VTI1A: variants seen among roughly 807,000 people sequenced by gnomAD.
The protein encoded by VTI1A is vesicle transport through interaction with t-SNAREs homolog 1A.
A neutral mutation model predicts 34.9 loss-of-function variants in VTI1A; 22 were observed. The ratio of observed to expected loss-of-function variants is 0.63; its 90% CI spans 0.45 to 0.90. The LOEUF is 0.90. Among genes scored for constraint, VTI1A ranks in the 40% least tolerant of loss-of-function variants. The probability of loss-of-function intolerance (pLI) is 0.00; values close to 1 mark genes in which losing one functional copy is unlikely to be tolerated. For missense variants in VTI1A, 268 were observed against 275.6 expected (o/e 0.97, Z 0.20); for synonymous variants, 87 against 97.3 (o/e 0.89, Z 0.62).
At chr10:112,623,111 T>G (rs1428434877) in intron 5 of VTI1A, among the ~76,000 whole-genome samples, 1 of 152,208 alleles carries the variant, frequency 6.6e-6, no homozygotes, top group Non-Finnish European at 1.5e-5. Context: ...TTCAGGATTA[T>G]GTTTGATTGA....
chr10:112,752,258 C>G, intron 7 of VTI1A: 2 of 513,826 alleles, frequency 3.9e-6, no homozygotes, highest in Non-Finnish European at 5.0e-6. Context: ...TCAGGAGCTA[C>G]CAGGACTGAA....
intron 3 of VTI1A, among the ~76,000 whole-genome samples, chr10:112,521,821 A>G (rs1034965229): frequency 1.3e-5 from 2 of 152,100 alleles, no homozygotes; most frequent in African/African-American, 4.8e-5. Context: ...ACTGTGATAA[A>G]CAAAAATTCA....
At chr10:112,785,296 G>C (rs1225932574) in intron 7 of VTI1A, among the ~76,000 whole-genome samples, 2 of 152,306 alleles carry the variant, frequency 1.3e-5, no homozygotes, top group South Asian at 4.1e-4. Flanking sequence ...CTTGTCAGAG[G>C]AATGACCAGA....
At chr10:112,637,600 A>C (rs932100625) in intron 5 of VTI1A, among the ~76,000 whole-genome samples, 1 of 152,050 alleles carries the variant, frequency 6.6e-6, no homozygotes, top group South Asian at 2.1e-4. Flanking sequence ...TGGAGGTTGC[A>C]GTGTGCCGAG....
At chr10:112,761,401 C>T (rs1420657641) in intron 7 of VTI1A, among the ~76,000 whole-genome samples, 1 of 152,118 alleles carries the variant, frequency 6.6e-6, no homozygotes, top group Non-Finnish European at 1.5e-5. Context: ...TTTGTACAAA[C>T]AAGGAGCTTA....
intron 3 of VTI1A, among the ~76,000 whole-genome samples, chr10:112,487,527 C>T (rs547476000): frequency 6.6e-6 from 1 of 152,174 alleles, no homozygotes; most frequent in East Asian, 1.9e-4. Flanking sequence ...CTTCCTGACC[C>T]CCAAGCCTCA....
At chr10:112,636,188 T>G (rs1024754872) in intron 5 of VTI1A, among the ~76,000 whole-genome samples, 1 of 152,236 alleles carries the variant, frequency 6.6e-6, no homozygotes, top group Non-Finnish European at 1.5e-5. Context: ...AAGTCAAGGC[T>G]GACTCTTTCA....
At chr10:112,605,061 G>A (rs1479322826) in intron 5 of VTI1A, among the ~76,000 whole-genome samples, 2 of 152,086 alleles carry the variant, frequency 1.3e-5, no homozygotes, top group Non-Finnish European at 2.9e-5. Context: ...CCCACAGAGA[G>A]GTTATTTTTA....
rs1389296623 is a variant in VTI1A, at chr10:112,816,508, A to G, written c.*1125A>G. On this transcript the variant is annotated 3_prime_UTR_variant, in exon 8 of 8. Transcript: ENST00000393077. The stretch of plus-strand genomic sequence containing the variant: ...CAAGCCTTTCTTGAATTCACTATGT[A>G]TTCAAACTTCTAATATGCTTTGTGA... The G allele has an allele frequency of 4.5e-6, 1 of 223,124 alleles. No individual in the cohort carries two copies. The highest frequency in any genetic ancestry group is 9.0e-6 in the Non-Finnish European group (1 of 111,698). The allele number at this position is 223,124 out of a possible 1,614,324, so 13.8% of individuals were successfully genotyped here. A position where few individuals can be genotyped will look rare whatever the true frequency, so the allele number is the denominator to read the frequency against.
At chr10:112,654,735 C>G (rs1365865854) in intron 5 of VTI1A, among the ~76,000 whole-genome samples, 1 of 152,208 alleles carries the variant, frequency 6.6e-6, no homozygotes, top group Non-Finnish European at 1.5e-5. Context: ...CCTGCCTCGG[C>G]CTCCCAAAGT....
chr10:112,639,435 A>G (rs1846482686), intron 5 of VTI1A, among the ~76,000 whole-genome samples: 1 of 152,170 alleles, frequency 6.6e-6, no homozygotes, highest in African/African-American at 2.4e-5. Flanking sequence ...CAAAACAGGT[A>G]GCTCTTTGAA....
intron 5 of VTI1A, among the ~76,000 whole-genome samples, chr10:112,587,733 A>G (rs1262114373): frequency 1.3e-5 from 2 of 152,178 alleles, no homozygotes; most frequent in African/African-American, 4.8e-5. Flanking sequence ...GACTGGAATT[A>G]TAAAAATAGA....
At chr10:112,680,779 T>C (rs530095503) in intron 7 of VTI1A, among the ~76,000 whole-genome samples, 11 of 152,278 alleles carry the variant, frequency 7.2e-5, no homozygotes, top group African/African-American at 2.6e-4. Flanking sequence ...ACAGAGGAGA[T>C]GATAGGTGAG....
chr10:112,699,124 A>G (rs1386467856), intron 7 of VTI1A, among the ~76,000 whole-genome samples: 1 of 152,260 alleles, frequency 6.6e-6, no homozygotes, highest in East Asian at 1.9e-4. Context: ...AAATGATTTC[A>G]TATTCTCTTT....
the VTI1A span, among the ~76,000 whole-genome samples, chr10:112,829,443 C>T: frequency 6.0e-5 from 5 of 83,976 alleles, no homozygotes; most frequent in South Asian, 8.9e-4. Flanking sequence ...GACTCCGTCT[C>T]GAAAAAAAAA....
chr10:112,715,408 G>A (rs1203245502), intron 7 of VTI1A, among the ~76,000 whole-genome samples: 2 of 152,024 alleles, frequency 1.3e-5, no homozygotes, highest in Non-Finnish European at 2.9e-5. Context: ...TGTTTTTATG[G>A]TGCCAGGTTT....
chr10:112,655,851 C>G, intron 5 of VTI1A, among the ~76,000 whole-genome samples: 1 of 152,150 alleles, frequency 6.6e-6, no homozygotes, highest in East Asian at 1.9e-4. Flanking sequence ...TGCCCCATAT[C>G]TAGGCAATTA....
chr10:112,845,683 C>T, the VTI1A span, among the ~76,000 whole-genome samples: 1 of 152,106 alleles, frequency 6.6e-6, no homozygotes, highest in Non-Finnish European at 1.5e-5. Context: ...TCACTCAGGA[C>T]GAGCCCCAGG....
intron 3 of VTI1A, chr10:112,484,963 A>T (rs1261794214): frequency 2.0e-5 from 3 of 151,888 alleles, no homozygotes; most frequent in African/African-American, 7.3e-5. Context: ...AATTTCTCTT[A>T]CCTAGGAATT....
Sources: gnomAD v4.1 joint callset for allele counts (sites outside exome capture counted in the v4.1 genomes callset) on GRCh38, gnomAD v4.1.1 for gene constraint, MANE v1.5 for transcripts, NCBI Gene and HGNC (gene_info 2026-07-23, HGNC 2026-07-21) for gene names.